Variants in TMPRSS3 observed in about 807,000 individuals in gnomAD.
The protein encoded by TMPRSS3 is transmembrane protease serine 3.
Under a neutral mutation model 59.6 loss-of-function variants are expected in TMPRSS3, and 55 were observed. The observed-to-expected ratio is 0.92, with a 90% CI of 0.74 to 1.16. The LOEUF (loss-of-function observed/expected upper bound fraction) is 1.16. Ranked by LOEUF, TMPRSS3 falls within the 50% of genes most tolerant of loss-of-function variation. The pLI is 0.00. For synonymous variants in TMPRSS3, 257 were observed against 237.7 expected (o/e 1.08, Z -0.75); for missense variants, 596 against 579.4 (o/e 1.03, Z -0.29).
intron 8 of TMPRSS3, chr21:42,382,635 A>G: frequency 2.6e-6 from 1 of 391,266 alleles, no homozygotes; most frequent in South Asian, 2.4e-5. Context: ...AGATTTTAAG[A>G]AGAGACCCAG....
chr21:42,375,174 T>C (rs887619990), intron 12 of TMPRSS3, among the ~76,000 whole-genome samples: 11 of 151,838 alleles, frequency 7.2e-5, no homozygotes, highest in Non-Finnish European at 1.5e-5. Flanking sequence ...AGCCTCGCTG[T>C]TGGGTGCCCC....
At position 42,388,504 on chromosome 21, in the gene TMPRSS3, G is replaced by C. The variant is rs142577467; in HGVS notation, c.345C>G (p.Ala115=). ...YRCVRVGGQN[A]VLQVFTAASW... ...AAGCAGCTGTGAACACCTGGAGCAC[G>C]GCATTCTGACCACCCACCCGGACTG... is the stretch of plus-strand genomic sequence containing the variant. The change falls in exon 5 of 13, where the codon GCC becomes GCG. Residue 115 remains alanine, a synonymous_variant. Coordinates refer to ENST00000644384, the MANE Select transcript of TMPRSS3 (RefSeq NM_001256317.3). The surrounding 1 kb of genome is among the most constrained non-coding windows in gnomAD (Gnocchi z 5.1). 2 of 1,614,200 alleles carry C rather than the reference G, an allele frequency of 1.2e-6. No individual in the cohort carries two copies. The highest frequency in any genetic ancestry group is 3.3e-5 in the Admixed American group (2 of 60,028).
chr21:42,375,146 C>CT (rs1351720172), intron 12 of TMPRSS3, among the ~76,000 whole-genome samples: 1 of 152,034 alleles, frequency 6.6e-6, no homozygotes, highest in African/African-American at 2.4e-5. Flanking sequence ...CCCCTCCATG[C>CT]CCGGGTCCTG....
In TMPRSS3 at chr21:42,383,167, G is replaced by A; in HGVS notation, c.648C>T (p.Arg216=). The change falls in exon 8 of 13, where the codon CGC becomes CGT. Residue 216 remains arginine (R), a synonymous_variant. Transcript: ENST00000644384. ...GCAAGGACATGTTTCCACCCACGAT[G>A]CGTGAGCTGTAGCCCCTTCTATGAC... is the stretch of plus-strand genomic sequence containing the variant. The part of the protein sequence containing the change: ...ACGHRRGYSS[R]IVGGNMSLLS... 1.9e-6 allele frequency: 3 copies of A among 1,614,102 alleles called. No homozygotes were observed. Among genetic ancestry groups the A allele is most frequent in the Non-Finnish European group, 2.5e-6 (3 of 1,180,028 alleles).
chr21:42,390,118 T>C, intron 2 of TMPRSS3, 81 bp from the exon 3 acceptor site: 1 of 1,054,676 alleles, frequency 9.5e-7, no homozygotes, highest in Non-Finnish European at 1.5e-6. Context: ...TAACTATCCT[T>C]TCCCCCTCCC....
chr21:42,389,359 C>T (rs567335681), intron 3 of TMPRSS3, among the ~76,000 whole-genome samples: 2 of 152,308 alleles, frequency 1.3e-5, no homozygotes, highest in East Asian at 1.9e-4. Context: ...CTGAGCCAGC[C>T]GAGCAAGGAG....
At chr21:42,382,856 C>G (rs1601523193) in intron 8 of TMPRSS3, 177 bp downstream of exon 8, 3 of 745,800 alleles carry the variant, frequency 4.0e-6, no homozygotes, top group South Asian at 3.2e-5. Flanking sequence ...ACAAGTTACC[C>G]CCAGCTGATG....
At chr21:42,382,922 G>T in intron 8 of TMPRSS3, 111 bp downstream of exon 8, 2 of 1,298,654 alleles carry the variant, frequency 1.5e-6, no homozygotes, top group South Asian at 1.2e-5. Flanking sequence ...TTACTTGGAG[G>T]TTAGTCTCTC....
At chr21:42,384,403 C>G (rs1601525505) in intron 6 of TMPRSS3, among the ~76,000 whole-genome samples, 1 of 152,160 alleles carries the variant, frequency 6.6e-6, no homozygotes, top group Middle Eastern at 3.2e-3. Context: ...GCGTGGCAAG[C>G]TCTCTAGGAC....
intron 9 of TMPRSS3, 25 bp from the exon 10 acceptor site, chr21:42,380,237 ACAACT>A: frequency 6.3e-7 from 1 of 1,583,980 alleles, no homozygotes; most frequent in South Asian, 1.1e-5. Context: ...ACAATAGTTC[ACAACT>A]CAATTGAAGC....
chr21:42,386,621 A>G (rs956167526), intron 5 of TMPRSS3, among the ~76,000 whole-genome samples: 1 of 152,032 alleles, frequency 6.6e-6, no homozygotes, highest in Non-Finnish European at 1.5e-5. Flanking sequence ...GCCCTTCCAC[A>G]CTCACAGCGT....
intron 10 of TMPRSS3, among the ~76,000 whole-genome samples, chr21:42,379,035 C>T (rs1483315134): frequency 6.6e-6 from 1 of 152,160 alleles, no homozygotes; most frequent in Non-Finnish European, 1.5e-5. Flanking sequence ...CAGGTGTGCG[C>T]CACCATGCCT....
At chr21:42,393,257 A>G (rs557786998) in intron 2 of TMPRSS3, among the ~76,000 whole-genome samples, 3,203 of 152,292 alleles carry the variant, frequency 0.021, 63 homozygotes, top group Middle Eastern at 0.044. Context: ...GAAAAAGAAA[A>G]AAAAAAAGCT....
At chr21:42,378,783 T>A (rs2052471714) in intron 10 of TMPRSS3, among the ~76,000 whole-genome samples, 1 of 152,192 alleles carries the variant, frequency 6.6e-6, no homozygotes, top group Non-Finnish European at 1.5e-5. Context: ...GATGGCATGA[T>A]CACGGCTCAC....
intron 2 of TMPRSS3, among the ~76,000 whole-genome samples, chr21:42,392,158 GCT>G (rs2052742177): frequency 6.6e-6 from 1 of 152,214 alleles, no homozygotes. Flanking sequence ...TGAGCCGAGA[GCT>G]CTGTCATGGA....
intron 2 of TMPRSS3, 43 bp from the exon 3 acceptor site, chr21:42,390,080 AC>A: frequency 2.8e-6 from 4 of 1,408,032 alleles, no homozygotes; most frequent in Non-Finnish European, 4.0e-6. Context: ...ACAGAACCTG[AC>A]TTGGAGTGCC....
rs1015226296 is a variant in TMPRSS3, at chr21:42,389,981, T to C, written c.151A>G (p.Ile51Val). The change falls in exon 3 of 13, where the codon ATC becomes GTC. Residue 51 changes from isoleucine (I) to valine (V), a missense_variant. By Grantham distance (29) the Ile-to-Val change is conservative. Coordinates refer to ENST00000644384, the MANE Select transcript of TMPRSS3 (RefSeq NM_001256317.3). ...LSLLPLKFFPIIVIGIIALIL... is the reference protein window; with the variant it reads ...LSLLPLKFFPVIVIGIIALIL... ...AATGCAATGATCCCAATGACGATGA[T>C]TGGAAAAAACTTCAATGGCAGCAGT... 9.3e-6 allele frequency: 15 copies of C among 1,613,994 alleles called. No homozygotes were observed. Among genetic ancestry groups the C allele is most frequent in the African/African-American group, 2.7e-5 (2 of 74,890 alleles).
At chr21:42,391,447 G>C (rs905518419) in intron 2 of TMPRSS3, among the ~76,000 whole-genome samples, 2 of 152,192 alleles carry the variant, frequency 1.3e-5, no homozygotes, top group African/African-American at 2.4e-5. Context: ...AGAGCAAACA[G>C]CCTTGGAAGA....
At chr21:42,380,755 G>T (rs2052514499) in intron 9 of TMPRSS3, among the ~76,000 whole-genome samples, 1 of 152,222 alleles carries the variant, frequency 6.6e-6, no homozygotes, top group South Asian at 2.1e-4. Context: ...CTGTGTGTAG[G>T]GCTGGATCCT....
Sources: gnomAD v4.1 joint callset for allele counts (sites outside exome capture counted in the v4.1 genomes callset) on GRCh38, gnomAD v4.1.1 for gene constraint, Gnocchi (gnomAD v3.1) non-coding constraint, MANE v1.5 for transcripts, NCBI Gene and HGNC (gene_info 2026-07-23, HGNC 2026-07-21) for gene names.